The following PAPPA variants were observed in gnomAD, a reference collection of about 807,000 sequenced individuals.
The protein encoded by PAPPA is pappalysin 1.
A neutral mutation model predicts 164.0 loss-of-function variants in PAPPA; 60 were observed. That is an observed-to-expected ratio of 0.37 (90% confidence interval 0.30 to 0.45). The LOEUF is 0.45. Among genes scored for constraint, PAPPA ranks in the 20% least tolerant of loss-of-function variants. The pLI is 1.00. For synonymous variants in PAPPA, 875 were observed against 814.1 expected (o/e 1.07, Z -1.27); for missense variants, 1,782 against 2,087.3 (o/e 0.85, Z 2.85).
intron 2 of PAPPA, 84 bp from the exon 3 acceptor site, chr9:116,207,372 C>G: frequency 1.7e-6 from 2 of 1,145,042 alleles, no homozygotes; most frequent in Non-Finnish European, 2.5e-6. Context: ...ATGCCTGGCA[C>G]TCATAGTAGC....
chr9:116,315,102 T>C (rs1244354367), intron 10 of PAPPA, among the ~76,000 whole-genome samples: 3 of 152,196 alleles, frequency 2.0e-5, no homozygotes, highest in Non-Finnish European at 4.4e-5. Flanking sequence ...TATGATTGGA[T>C]TAAATTTATA....
At position 116,377,522 on chromosome 9, in the gene PAPPA, G is replaced by A. The variant is rs542022008; in HGVS notation, c.4606-54G>A. On this transcript the variant is annotated intron_variant, in intron 19 of 21. Transcript: ENST00000328252. ...GGTTAAATGTAATGCCAACACGGAG[G>A]TGGGTCCCTCCCAATCCCAAGCCCA... The A allele has an allele frequency of 3.2e-6, 4 of 1,261,000 alleles. No homozygotes were observed. The East Asian group carries it at 6.9e-5, about 22-fold the overall frequency. 78.1% of individuals were successfully genotyped at this position (1,261,000 alleles called of 1,614,324 possible).
At chr9:116,380,595 T>C (rs567796054) in intron 20 of PAPPA, among the ~76,000 whole-genome samples, 28 of 152,216 alleles carry the variant, frequency 1.8e-4, no homozygotes, top group African/African-American at 6.5e-4. Flanking sequence ...AGAAAGGGTT[T>C]ATTGTTTGTT....
intron 9 of PAPPA, among the ~76,000 whole-genome samples, chr9:116,277,484 C>T (rs1845213482): frequency 6.6e-6 from 1 of 151,924 alleles, no homozygotes; most frequent in South Asian, 2.1e-4. Flanking sequence ...AAAGCCTGTC[C>T]CTGACACTTA....
chr9:116,282,472 C>T (rs1845279641), intron 9 of PAPPA, among the ~76,000 whole-genome samples: 1 of 152,200 alleles, frequency 6.6e-6, no homozygotes, highest in Admixed American at 6.5e-5. Context: ...GTATACATAA[C>T]TCAAATTATT....
intron 19 of PAPPA, among the ~76,000 whole-genome samples, chr9:116,374,170 T>A (rs11521560): frequency 5.7e-5 from 8 of 139,544 alleles, no homozygotes; most frequent in South Asian, 2.5e-4. Flanking sequence ...GGTGGTGGTG[T>A]TGATGATGAT....
chr9:116,305,056 A>AAC (rs147736582), intron 10 of PAPPA, among the ~76,000 whole-genome samples: 67 of 143,890 alleles, frequency 4.7e-4, no homozygotes, highest in South Asian at 4.0e-3. Flanking sequence ...GTCATTCACA[A>AAC]ACACACACAC....
chr9:116,343,414 G>T (rs1195620519), intron 13 of PAPPA, among the ~76,000 whole-genome samples: 2 of 152,186 alleles, frequency 1.3e-5, no homozygotes, highest in Non-Finnish European at 2.9e-5. Context: ...ATACCCATGA[G>T]GGTGCTTGCC....
chr9:116,267,774 C>T (rs1587979399), intron 8 of PAPPA, among the ~76,000 whole-genome samples: 1 of 148,488 alleles, frequency 6.7e-6, no homozygotes, highest in East Asian at 2.1e-4. Flanking sequence ...ACTCGGGAGG[C>T]TGAGGCAGAA....
rs150452400 is a variant in PAPPA at position 116,381,180 on chromosome 9, G to T, written c.4678-1215G>T. ...ATTAGTGGGAGTCCTGAGGCCTAGA[G>T]GAGATAAGGTCACTTAACCAAAACC... is the stretch of plus-strand genomic sequence containing the variant. On this transcript the variant is annotated intron_variant, in intron 20 of 21. Transcript: ENST00000328252. 4.3e-4 allele frequency among the ~76,000 whole-genome samples: 66 copies of T among 152,284 alleles called. No homozygotes were observed. In the East Asian group the frequency reaches 5.8e-3, roughly 13 times the overall value.
At chr9:116,336,322 A>C (rs531279933) in intron 13 of PAPPA, among the ~76,000 whole-genome samples, 1 of 152,260 alleles carries the variant, frequency 6.6e-6, no homozygotes, top group Admixed American at 6.5e-5. Flanking sequence ...TGCAAAATCC[A>C]CATTGTTTAG....
At chr9:116,174,810 A>G (rs1259977815) in intron 1 of PAPPA, among the ~76,000 whole-genome samples, 1 of 152,156 alleles carries the variant, frequency 6.6e-6, no homozygotes, top group Non-Finnish European at 1.5e-5. Context: ...CAATGCAATC[A>G]TAAAGCATAA....
At position 116,384,270 on chromosome 9, in the gene PAPPA, T is replaced by TTAATAATAATAATAATAATAATAA. The variant is rs3040228; in HGVS notation, c.4776+1787_4776+1810dup. On this transcript the variant is annotated intron_variant, in intron 21 of 21. Coordinates refer to ENST00000328252, the MANE Select transcript of PAPPA (RefSeq NM_002581.5). The stretch of plus-strand genomic sequence containing the variant: ...GGCAGACCCTTGTCTCTACACGTAA[T>TTAATAATAATAATAATAATAATAA]TAATAATAATAATAATAATAATAAT... 2.2e-5 allele frequency among the ~76,000 whole-genome samples: 3 copies of TTAATAATAATAATAATAATAATAA among 138,270 alleles called. 1 individual carries two copies. Among genetic ancestry groups the TTAATAATAATAATAATAATAATAA allele is most frequent in the African/African-American group, 5.4e-5 (2 of 36,944 alleles). The allele number at this position is 138,270 out of a possible 152,430, so 90.7% of individuals were successfully genotyped here.
At chr9:116,339,542 G>C (rs1001785249) in intron 13 of PAPPA, among the ~76,000 whole-genome samples, 10 of 152,148 alleles carry the variant, frequency 6.6e-5, no homozygotes, top group African/African-American at 1.7e-4. Flanking sequence ...TAGCATAGTA[G>C]CTCTTTCACT....
chr9:116,154,655 C>A lies in PAPPA; in HGVS notation c.415+68C>A. The A allele has an allele frequency of 1.6e-6, 2 of 1,254,986 alleles. No individual in the cohort carries two copies. Among genetic ancestry groups the A allele is most frequent in the Non-Finnish European group, 1.0e-6 (1 of 999,200 alleles). 77.7% of individuals were successfully genotyped at this position (1,254,986 alleles called of 1,614,324 possible). On this transcript the variant is annotated intron_variant, in intron 1 of 21. Coordinates refer to ENST00000328252, the MANE Select transcript of PAPPA (RefSeq NM_002581.5). The surrounding 1 kb of genome is among the most constrained non-coding windows in gnomAD (Gnocchi z 5.2). ...CCCCAGAGGCTCGCGGGTGTCTGGG[C>A]GCGGGTGGCGGGCGGGTCGGGGGCT...
At chr9:116,305,538 G>A (rs1845636009) in intron 10 of PAPPA, among the ~76,000 whole-genome samples, 1 of 152,082 alleles carries the variant, frequency 6.6e-6, no homozygotes, top group African/African-American at 2.4e-5. Flanking sequence ...GAGCATGGGA[G>A]TACCAAAGCA....
At chr9:116,216,586 G>T (rs1452068889) in intron 4 of PAPPA, among the ~76,000 whole-genome samples, 4 of 152,110 alleles carry the variant, frequency 2.6e-5, no homozygotes, top group Non-Finnish European at 5.9e-5. Flanking sequence ...GGAGGCACTG[G>T]GGGGAAAGAA....
rs1844252390 is a variant in PAPPA, at chr9:116,207,560, T to C, written c.1583T>C (p.Val528Ala). 6.2e-7 allele frequency: 1 copy of C among 1,613,170 alleles called. No individual in the cohort carries two copies. Among genetic ancestry groups the C allele is most frequent in the South Asian group, 1.1e-5 (1 of 91,046 alleles). The change falls in exon 3 of 22, where the codon GTA (valine) becomes GCA (alanine). Residue 528 changes from valine to alanine, a missense_variant. Physicochemically the swap from Val to Ala is moderately conservative, Grantham distance 64 (BLOSUM62 0). Transcript: ENST00000328252. ...AKSSEEELAG[V>A]ATWPWDKEAL... ...TCCTCAGAGGAGGAGTTGGCAGGAG[T>C]AGCAACTTGGCCATGGGACAAGGAG... is the stretch of plus-strand genomic sequence containing the variant.
intron 10 of PAPPA, among the ~76,000 whole-genome samples, chr9:116,309,908 A>G (rs1845694094): frequency 6.6e-6 from 1 of 152,128 alleles, no homozygotes; most frequent in Admixed American, 6.5e-5. Flanking sequence ...ATTATTTTGC[A>G]TAGATTTCAG....
Sources: allele counts gnomAD v4.1 joint callset (sites outside exome capture counted in the v4.1 genomes callset), GRCh38; gene constraint gnomAD v4.1.1; non-coding constraint Gnocchi (gnomAD v3.1); transcripts MANE v1.5; gene names NCBI Gene and HGNC (gene_info 2026-07-23, HGNC 2026-07-21).